UQCC1: variants seen among roughly 807,000 people sequenced by gnomAD.
The protein encoded by UQCC1 is ubiquinol-cytochrome c reductase complex assembly factor 1.
In UQCC1, 38 loss-of-function variants were observed where a neutral mutation model predicts 48.0. The observed-to-expected ratio is 0.79, with a 90% confidence interval of 0.61 to 1.04. The LOEUF (loss-of-function observed/expected upper bound fraction) is 1.04. Ranked by LOEUF, UQCC1 falls within the 50% of genes least tolerant of loss-of-function variation. The pLI, the probability that UQCC1 is intolerant of heterozygous loss-of-function variation, is 0.00. For missense variants in UQCC1, 368 were observed against 381.8 expected (o/e 0.96, Z 0.30); for synonymous variants, 111 against 129.2 (o/e 0.86, Z 0.95).
At chr20:35,308,163 G>T (rs1367015244) in intron 8 of UQCC1, among the ~76,000 whole-genome samples, 1 of 152,266 alleles carries the variant, frequency 6.6e-6, no homozygotes, top group African/African-American at 2.4e-5. Context: ...GCCATGTCCA[G>T]TATGGGGTGC....
intron 1 of UQCC1, among the ~76,000 whole-genome samples, chr20:35,403,148 A>G (rs2062193508): frequency 6.6e-6 from 1 of 152,078 alleles, no homozygotes; most frequent in African/African-American, 2.4e-5. Context: ...CAAAAGATTG[A>G]TTACATACAG....
At chr20:35,369,499 A>G (rs1392778588) in intron 5 of UQCC1, among the ~76,000 whole-genome samples, 1 of 152,234 alleles carries the variant, frequency 6.6e-6, no homozygotes, top group East Asian at 1.9e-4. Context: ...CAAGTTGGAT[A>G]CAATTAAATA....
chr20:35,395,888 T>C (rs1444408981), intron 1 of UQCC1, among the ~76,000 whole-genome samples: 1 of 151,670 alleles, frequency 6.6e-6, no homozygotes, highest in Non-Finnish European at 1.5e-5. Flanking sequence ...ACTCAAGCAG[T>C]GGGCACGGGC....
intron 5 of UQCC1, among the ~76,000 whole-genome samples, chr20:35,369,198 C>T (rs941141828): frequency 6.6e-6 from 1 of 152,154 alleles, no homozygotes; most frequent in African/African-American, 2.4e-5. Context: ...TCACCATTTC[C>T]CCTTCTGGGG....
chr20:35,329,359 T>C (rs1426195613), intron 7 of UQCC1, among the ~76,000 whole-genome samples: 1 of 152,140 alleles, frequency 6.6e-6, no homozygotes, highest in African/African-American at 2.4e-5. Flanking sequence ...ATAGTGGTTG[T>C]TTTAAAGAAG....
intron 7 of UQCC1, among the ~76,000 whole-genome samples, chr20:35,320,078 A>G (rs1390248284): frequency 1.3e-5 from 2 of 152,116 alleles, no homozygotes; most frequent in Non-Finnish European, 2.9e-5. Context: ...GCTGTCATCT[A>G]TTTCTTAGTC....
chr20:35,356,144 C>T (rs147561932), intron 6 of UQCC1, among the ~76,000 whole-genome samples: 384 of 152,360 alleles, frequency 2.5e-3, no homozygotes, highest in African/African-American at 8.7e-3. Context: ...CTGCCTTGGC[C>T]TCCCAAAGTG....
intron 9 of UQCC1, chr20:35,306,423 T>C (rs984826213): frequency 3.3e-5 from 16 of 481,536 alleles, no homozygotes; most frequent in African/African-American, 2.9e-4. Flanking sequence ...TGACTCAAAG[T>C]TCCTGAGGGC....
At chr20:35,313,235 G>A (rs1432792477) in intron 8 of UQCC1, among the ~76,000 whole-genome samples, 1 of 151,872 alleles carries the variant, frequency 6.6e-6, no homozygotes, top group Non-Finnish European at 1.5e-5. Flanking sequence ...AATTAGCCGG[G>A]TGTGGTGGCA....
At chr20:35,321,283 T>TGTGTGTGTGTGTGCGCGC (rs1389196330) in intron 7 of UQCC1, among the ~76,000 whole-genome samples, 12 of 141,592 alleles carry the variant, frequency 8.5e-5, no homozygotes, top group African/African-American at 2.9e-4. Flanking sequence ...TGTGTGTGTG[T>TGTGTGTGTGTGTGCGCGC]GCGCGCGCGC....
intron 5 of UQCC1, among the ~76,000 whole-genome samples, chr20:35,372,267 C>T (rs2061742173): frequency 6.6e-6 from 1 of 151,410 alleles, no homozygotes; most frequent in Non-Finnish European, 1.5e-5. Context: ...CGAGATCACA[C>T]CACTGCAGTC....
At chr20:35,378,246 G>A (rs768592201) in intron 4 of UQCC1, among the ~76,000 whole-genome samples, 30 of 152,230 alleles carry the variant, frequency 2.0e-4, no homozygotes, top group Non-Finnish European at 4.0e-4. Flanking sequence ...GCTCTCCCAC[G>A]AACTAATGCA....
chr20:35,339,830 G>A (rs865857444), intron 7 of UQCC1, among the ~76,000 whole-genome samples: 4 of 151,922 alleles, frequency 2.6e-5, no homozygotes, highest in Admixed American at 1.3e-4. Flanking sequence ...AAAAGATTCA[G>A]CATTTTGCAC....
intron 7 of UQCC1, among the ~76,000 whole-genome samples, chr20:35,338,040 C>A (rs2378349): frequency 0.46 from 69,543 of 151,008 alleles, 17,152 homozygotes; most frequent in African/African-American, 0.64. Context: ...TTAAAAAAAA[C>A]ACACAACCAA....
At chr20:35,411,164 T>C (rs1202454879) in intron 1 of UQCC1, among the ~76,000 whole-genome samples, 4 of 152,216 alleles carry the variant, frequency 2.6e-5, no homozygotes, top group Non-Finnish European at 5.9e-5. Flanking sequence ...CTAAGCTCTG[T>C]ATCCTAACGT....
intron 7 of UQCC1, among the ~76,000 whole-genome samples, chr20:35,340,956 T>TG (rs2061370192): frequency 6.6e-6 from 1 of 151,842 alleles, no homozygotes; most frequent in Non-Finnish European, 1.5e-5. Context: ...CCGGGGGTGG[T>TG]GGTGGCTCAT....
At chr20:35,379,027 T>G (rs1306713081) in intron 4 of UQCC1, among the ~76,000 whole-genome samples, 2 of 152,210 alleles carry the variant, frequency 1.3e-5, no homozygotes, top group Non-Finnish European at 2.9e-5. Flanking sequence ...ACATTCCAGT[T>G]TGTCAGTGTC....
At chr20:35,323,730 A>G (rs1206352143) in intron 7 of UQCC1, among the ~76,000 whole-genome samples, 1 of 152,230 alleles carries the variant, frequency 6.6e-6, no homozygotes, top group Admixed American at 6.5e-5. Flanking sequence ...TGCCTCCATC[A>G]TCTGCCTCAA....
intron 7 of UQCC1, chr20:35,346,507 C>T (rs556021787): frequency 1.1e-4 from 18 of 157,750 alleles, no homozygotes; most frequent in Non-Finnish European, 2.2e-4. Flanking sequence ...CTTGAAGTCG[C>T]GAGACCAAGA....
Sources: allele counts gnomAD v4.1 joint callset (sites outside exome capture counted in the v4.1 genomes callset), GRCh38; gene constraint gnomAD v4.1.1; transcripts MANE v1.5; gene names NCBI Gene and HGNC (gene_info 2026-07-23, HGNC 2026-07-21).